HEXD: variants seen among roughly 807,000 people sequenced by gnomAD.
HEXD encodes the protein hexosaminidase D.
HEXD carries 47 observed loss-of-function variants against 54.2 expected under a neutral mutation model. That is an observed-to-expected ratio of 0.87 (90% CI 0.69 to 1.11). The LOEUF (loss-of-function observed/expected upper bound fraction) is 1.11. HEXD is among the 50% of genes least tolerant of loss of function. The pLI is 0.00. For synonymous variants in HEXD, 293 were observed against 287.6 expected (o/e 1.02, Z -0.19); for missense variants, 576 against 649.2 (o/e 0.89, Z 1.23).
chr17:82,420,032 A>T (rs1241892412), intron 2 of HEXD, 149 bp downstream of exon 2: 1 of 411,742 alleles, frequency 2.4e-6, no homozygotes, highest in Non-Finnish European at 4.3e-6. Context: ...ATTGATTTTG[A>T]ATTTCCTCCA....
intron 11 of HEXD, 48 bp from the exon 12 acceptor site, chr17:82,441,752 C>T (rs369222926): frequency 4.2e-5 from 61 of 1,467,800 alleles, no homozygotes; most frequent in Non-Finnish European, 5.6e-5. Flanking sequence ...AGCCGCCCCA[C>T]GGCTGCCTTG....
intron 11 of HEXD, 138 bp downstream of exon 11, chr17:82,441,404 C>A (rs539421839): frequency 2.7e-6 from 2 of 749,944 alleles, no homozygotes; most frequent in Non-Finnish European, 3.8e-6. Context: ...GGGGCAGGTG[C>A]GGGTGAGGGG....
intron 4 of HEXD, among the ~76,000 whole-genome samples, chr17:82,433,217 G>A (rs935106703): frequency 6.2e-5 from 9 of 146,232 alleles, no homozygotes; most frequent in Non-Finnish European, 1.0e-4. Flanking sequence ...CAAGGAAGGC[G>A]AATCACTTGT....
chr17:82,441,641 G>C (rs983173469), intron 11 of HEXD, among the ~76,000 whole-genome samples, 159 bp from the exon 12 acceptor site: 2 of 152,116 alleles, frequency 1.3e-5, no homozygotes, highest in Non-Finnish European at 2.9e-5. Flanking sequence ...CCCACTCCCA[G>C]GCACAGGAGG....
At chr17:82,424,267 G>C in intron 2 of HEXD, 127 bp from the exon 3 acceptor site, 1 of 687,432 alleles carries the variant, frequency 1.5e-6, no homozygotes, top group South Asian at 1.7e-5. Flanking sequence ...AAGGTTCCCA[G>C]GAGAAATAGA....
chr17:82,421,471 G>A (rs2143374249), intron 2 of HEXD, among the ~76,000 whole-genome samples: 1 of 152,330 alleles, frequency 6.6e-6, no homozygotes, highest in Middle Eastern at 3.4e-3. Context: ...CGTGGCAGCA[G>A]TAGAGGAGGG....
In HEXD at chr17:82,434,101, T is replaced by A. The variant is rs1368891843; in HGVS notation, c.447+279T>A. ...CCTGCAGAGCCCGAGGGAGGCACCC[T>A]CGTGTCAGACGAGACCACCCCGGGC... On this transcript the variant is annotated intron_variant, in intron 5 of 12. Transcript: ENST00000327949. The surrounding 1 kb of genome is among the most constrained non-coding windows in gnomAD (Gnocchi z 4.5). Among the ~76,000 whole-genome samples the A allele has an allele frequency of 6.6e-6, 1 of 152,172 alleles. No individual in the cohort carries two copies. The highest frequency in any genetic ancestry group is 1.5e-5 in the Non-Finnish European group (1 of 68,006).
Position 82,418,604 on chromosome 17 carries a change from C to T in HEXD, c.-188C>T. On this transcript the variant is annotated 5_prime_UTR_variant, in exon 1 of 13. Coordinates refer to ENST00000327949, the MANE Select transcript of HEXD (RefSeq NM_001330542.2). ...ACGCGAGTGCGACGCGCTCGGCCAT[C>T]GGCCCCTGGGCTGGCGGCCAGGCCC... 2.4e-6 allele frequency: 1 copy of T among 418,162 alleles called. No homozygotes were observed. Among genetic ancestry groups the T allele is most frequent in the Non-Finnish European group, 3.7e-6 (1 of 268,004 alleles). The allele number at this position is 418,162 out of a possible 1,614,324, so 25.9% of individuals were successfully genotyped here.
At chr17:82,420,862 G>A (rs1017491192) in intron 2 of HEXD, among the ~76,000 whole-genome samples, 18 of 152,170 alleles carry the variant, frequency 1.2e-4, no homozygotes, top group African/African-American at 3.6e-4. Flanking sequence ...CACCGCACCC[G>A]GCCAAGCCAC....
intron 4 of HEXD, among the ~76,000 whole-genome samples, chr17:82,431,297 C>T (rs2053569531): frequency 1.3e-5 from 2 of 152,268 alleles, no homozygotes; most frequent in South Asian, 4.2e-4. Flanking sequence ...AGCCATTGCA[C>T]CTGGCCCCAT....
intron 9 of HEXD, chr17:82,440,070 C>G: frequency 7.7e-7 from 1 of 1,297,428 alleles, no homozygotes; most frequent in South Asian, 1.2e-5. Context: ...CTCAGGCGCC[C>G]GGCCCTGGAA....
Position 82,442,487 on chromosome 17 carries a change from C to T in HEXD, c.*103C>T. 6.2e-7 allele frequency: 1 copy of T among 1,603,638 alleles called. No homozygotes were observed. Among genetic ancestry groups the T allele is most frequent in the Non-Finnish European group, 8.5e-7 (1 of 1,172,082 alleles). ...CCCACGTGGGCGTCGTGCCCTCTGGCCCAGCAGTGTCTTGCCCACACTCAG... is the reference window on the plus strand; with the variant it reads ...CCCACGTGGGCGTCGTGCCCTCTGGTCCAGCAGTGTCTTGCCCACACTCAG... On this transcript the variant is annotated 3_prime_UTR_variant, in exon 13 of 13. Coordinates refer to ENST00000327949, the MANE Select transcript of HEXD (RefSeq NM_001330542.2). This position sits in a 1 kb window ranked among gnomAD's most constrained non-coding sequence, Gnocchi z 6.8.
chr17:82,438,313 T>C (rs1567895355), intron 8 of HEXD, among the ~76,000 whole-genome samples: 1 of 152,184 alleles, frequency 6.6e-6, no homozygotes, highest in South Asian at 2.1e-4. Flanking sequence ...TATGGAAGCC[T>C]AACTCTGGTG....
chr17:82,433,794 C>G lies in HEXD; in HGVS notation c.419C>G (p.Ala140Gly), dbSNP rs199548004. ...CAGGTCCTGGAGCTACACCCAGGCG[C>G]CCAGCGGCTGCACATCGGGTGTGAT... ...IDQVLELHPGAQRLHIGCDEV... is the reference protein window; with the variant it reads ...IDQVLELHPGGQRLHIGCDEV... Residue 140 changes from alanine to glycine, a missense_variant, in exon 5 of 13, where the codon GCC becomes GGC. Physicochemically the swap from Ala to Gly is moderately conservative, Grantham distance 60. Transcript: ENST00000327949. 23 of 1,612,956 alleles carry G rather than the reference C, an allele frequency of 1.4e-5. No individual in the cohort carries two copies. The East Asian group carries it at 4.5e-4, about 31-fold the overall frequency.
intron 2 of HEXD, among the ~76,000 whole-genome samples, chr17:82,422,305 C>T (rs931134666): frequency 3.3e-5 from 5 of 151,982 alleles, no homozygotes; most frequent in East Asian, 3.9e-4. Context: ...CAGAAGATGA[C>T]GGAAGCTGTG....
rs956260279 is a variant in HEXD, at chr17:82,434,746, G to C, written c.447+924G>C. 6.6e-6 allele frequency among the ~76,000 whole-genome samples: 1 copy of C among 152,044 alleles called. No individual in the cohort carries two copies. Among genetic ancestry groups the C allele is most frequent in the Non-Finnish European group, 1.5e-5 (1 of 68,012 alleles). ...CCAGCTACTCAGGAGGCTGAGGCACGAGAATCGCTTGAACCCAGGAGGTGA... is the reference window on the plus strand; with the variant it reads ...CCAGCTACTCAGGAGGCTGAGGCACCAGAATCGCTTGAACCCAGGAGGTGA... On this transcript the variant is annotated intron_variant, in intron 5 of 12. Coordinates refer to ENST00000327949, the MANE Select transcript of HEXD (RefSeq NM_001330542.2). This position sits in a 1 kb window ranked among gnomAD's most constrained non-coding sequence, Gnocchi z 4.5.
chr17:82,422,042 C>G (rs2053250078), intron 2 of HEXD, among the ~76,000 whole-genome samples: 1 of 151,678 alleles, frequency 6.6e-6, no homozygotes, highest in African/African-American at 2.4e-5. Flanking sequence ...GTGGCGGCGC[C>G]TGTAATCCTG....
chr17:82,424,026 C>T (rs568357645), intron 2 of HEXD, among the ~76,000 whole-genome samples: 1 of 151,838 alleles, frequency 6.6e-6, no homozygotes, highest in African/African-American at 2.4e-5. Context: ...CCTGGCTGCC[C>T]TGTCCCCCAT....
intron 9 of HEXD, chr17:82,440,029 G>A (rs550002299): frequency 2.3e-5 from 31 of 1,339,906 alleles, no homozygotes; most frequent in South Asian, 1.0e-4. Flanking sequence ...CTGCACACAC[G>A]TCCTGCCCAC....
Sources: gnomAD v4.1 joint callset for allele counts (sites outside exome capture counted in the v4.1 genomes callset) on GRCh38, gnomAD v4.1.1 for gene constraint, Gnocchi (gnomAD v3.1) non-coding constraint, MANE v1.5 for transcripts, NCBI Gene and HGNC (gene_info 2026-07-23, HGNC 2026-07-21) for gene names.